Variants in SEMA6D observed in about 807,000 individuals in gnomAD.
SEMA6D encodes the protein semaphorin 6D.
In SEMA6D, 35 loss-of-function variants were observed where a neutral mutation model predicts 106.6. The ratio of observed to expected loss-of-function variants is 0.33; its 90% CI spans 0.25 to 0.44. The LOEUF is 0.44. Among genes scored for constraint, SEMA6D ranks in the 20% least tolerant of loss-of-function variants. The pLI, the probability that SEMA6D is intolerant of heterozygous loss-of-function variation, is 1.00. For synonymous variants in SEMA6D, 499 were observed against 487.7 expected (o/e 1.02, Z -0.31); for missense variants, 1,185 against 1,345.9 (o/e 0.88, Z 1.87).
intron 1 of SEMA6D, among the ~76,000 whole-genome samples, chr15:47,264,289 A>G (rs1222853320): frequency 1.3e-5 from 2 of 152,014 alleles, no homozygotes; most frequent in Non-Finnish European, 2.9e-5. Flanking sequence ...AAACCCCATG[A>G]CACAAGTTTA....
intron 1 of SEMA6D, among the ~76,000 whole-genome samples, chr15:47,350,021 A>G (rs1458004167): frequency 6.6e-6 from 1 of 152,228 alleles, no homozygotes; most frequent in Non-Finnish European, 1.5e-5. Context: ...AATCAGCATA[A>G]TACAAGAGTA....
intron 3 of SEMA6D, among the ~76,000 whole-genome samples, chr15:47,502,366 A>G (rs1023049713): frequency 6.6e-5 from 10 of 152,180 alleles, no homozygotes; most frequent in Non-Finnish European, 1.0e-4. Context: ...TTAAAAGTAC[A>G]CTACAGAAAG....
chr15:47,664,321 A>G (rs1287533880), intron 4 of SEMA6D, among the ~76,000 whole-genome samples: 3 of 152,196 alleles, frequency 2.0e-5, no homozygotes, highest in Admixed American at 1.3e-4. Flanking sequence ...CCTCACCTAT[A>G]TAATAACTGA....
intron 1 of SEMA6D, among the ~76,000 whole-genome samples, chr15:47,320,238 A>G (rs2143625241): frequency 6.6e-6 from 1 of 152,230 alleles, no homozygotes. Context: ...TCAGCTTATC[A>G]TATCCAAGGA....
chr15:47,420,045 G>C (rs1245331512), intron 2 of SEMA6D, among the ~76,000 whole-genome samples: 1 of 152,090 alleles, frequency 6.6e-6, no homozygotes, highest in Non-Finnish European at 1.5e-5. Context: ...ATGAAGAGCT[G>C]TCAGGTGGTG....
intron 1 of SEMA6D, among the ~76,000 whole-genome samples, chr15:47,334,641 G>A (rs1342615096): frequency 6.6e-6 from 1 of 152,158 alleles, no homozygotes. Context: ...CTACACAATT[G>A]GTGTCAAAAG....
chr15:47,324,436 A>G (rs894612077), intron 1 of SEMA6D, among the ~76,000 whole-genome samples: 111 of 152,188 alleles, frequency 7.3e-4, no homozygotes, highest in African/African-American at 2.4e-3. Context: ...AAATATAAAC[A>G]CTAAATAAAA....
intron 3 of SEMA6D, among the ~76,000 whole-genome samples, chr15:47,505,929 G>A (rs542742621): frequency 2.6e-5 from 4 of 152,068 alleles, no homozygotes; most frequent in Admixed American, 2.0e-4. Context: ...TGTGTGGGAC[G>A]TGATTGCAGA....
intron 1 of SEMA6D, among the ~76,000 whole-genome samples, chr15:47,299,417 C>G (rs563528962): frequency 6.6e-6 from 1 of 152,292 alleles, no homozygotes; most frequent in Non-Finnish European, 1.5e-5. Flanking sequence ...AAAAATGGTG[C>G]TCATCCAAAT....
chr15:47,379,241 T>G (rs575756807), intron 1 of SEMA6D, among the ~76,000 whole-genome samples: 2 of 152,338 alleles, frequency 1.3e-5, no homozygotes, highest in South Asian at 4.1e-4. Context: ...TTGAGGGAGC[T>G]GCTTATGCCT....
intron 1 of SEMA6D, among the ~76,000 whole-genome samples, chr15:47,318,338 A>T (rs1289384478): frequency 1.4e-5 from 2 of 142,852 alleles, no homozygotes; most frequent in Non-Finnish European, 3.1e-5. Flanking sequence ...ACATATGTAT[A>T]CATGTGCCAT....
chr15:47,286,275 G>T (rs1186645918), intron 1 of SEMA6D, among the ~76,000 whole-genome samples: 1 of 152,134 alleles, frequency 6.6e-6, no homozygotes, highest in African/African-American at 2.4e-5. Context: ...GGGTCTTAGG[G>T]CTATATGGCT....
At chr15:47,202,197 G>A (rs186349963) in intron 1 of SEMA6D, among the ~76,000 whole-genome samples, 4 of 152,048 alleles carry the variant, frequency 2.6e-5, no homozygotes, top group East Asian at 1.9e-4. Flanking sequence ...AATGTTAGGC[G>A]ACCATCAGGT....
chr15:47,752,972 GCACTCCACCCTGGGCA>G (rs149268974), intron 1 of SEMA6D, among the ~76,000 whole-genome samples: 1 of 151,194 alleles, frequency 6.6e-6, no homozygotes, highest in East Asian at 2.2e-4. Context: ...TTGCACCACT[GCACTCCACCCTGGGCA>G]ACAGAGCAAG....
intron 2 of SEMA6D, among the ~76,000 whole-genome samples, chr15:47,432,619 T>TACACCTA (rs1177508801): frequency 2.1e-5 from 1 of 47,194 alleles, no homozygotes; most frequent in Non-Finnish European, 4.9e-5. Flanking sequence ...ACACACACAA[T>TACACCTA]TAGTAAGTAC....
chr15:47,313,559 T>A (rs1435192945), intron 1 of SEMA6D, among the ~76,000 whole-genome samples: 1 of 152,182 alleles, frequency 6.6e-6, no homozygotes, highest in Non-Finnish European at 1.5e-5. Flanking sequence ...AGCAATTATG[T>A]TTGTTTGTTT....
intron 4 of SEMA6D, among the ~76,000 whole-genome samples, chr15:47,628,226 G>T (rs2077235371): frequency 1.3e-5 from 2 of 151,850 alleles, no homozygotes; most frequent in Non-Finnish European, 2.9e-5. Context: ...ACTATTATGG[G>T]CATTCATACA....
intron 2 of SEMA6D, among the ~76,000 whole-genome samples, chr15:47,431,625 CTG>C (rs2041526103): frequency 6.6e-6 from 1 of 152,100 alleles, no homozygotes; most frequent in South Asian, 2.1e-4. Context: ...AGCAGGAACA[CTG>C]TTTGGTCATT....
At chr15:47,713,721 A>T (rs1289480992), upstream of SEMA6D, among the ~76,000 whole-genome samples, 2 of 152,228 alleles carry the variant, frequency 1.3e-5, no homozygotes, top group Non-Finnish European at 2.9e-5. Context: ...AATTCATACA[A>T]AATGTTATTT....
Sources: gnomAD v4.1 joint callset for allele counts (sites outside exome capture counted in the v4.1 genomes callset) on GRCh38, gnomAD v4.1.1 for gene constraint, MANE v1.5 for transcripts, NCBI Gene and HGNC (gene_info 2026-07-23, HGNC 2026-07-21) for gene names.